DDX6: variants seen among roughly 807,000 people sequenced by gnomAD.
DDX6 encodes the protein probable ATP-dependent RNA helicase DDX6.
DDX6 carries 7 observed loss-of-function variants against 60.6 expected under a neutral mutation model. The observed-to-expected ratio is 0.12, with a 90% CI of 0.07 to 0.22. The LOEUF (loss-of-function observed/expected upper bound fraction) is 0.22. Among genes scored for constraint, DDX6 ranks in the 10% least tolerant of loss-of-function variants. The pLI is 1.00. For synonymous variants in DDX6, 207 were observed against 201.0 expected (o/e 1.03, Z -0.25); for missense variants, 270 against 589.9 (o/e 0.46, Z 5.62).
Position 118,786,358 on chromosome 11 carries a change from G to A in DDX6, c.-107C>T. ...CTCCAAAATGAAGAGATAAATATAA[G>A]TCTTGCTCAATAAATGAGTCCTTTA... On this transcript the variant is annotated 5_prime_UTR_variant, in exon 2 of 14. Coordinates refer to ENST00000534980, the MANE Select transcript of DDX6 (RefSeq NM_004397.6). The A allele has an allele frequency of 1.0e-6, 1 of 977,064 alleles. No homozygotes were observed. The highest frequency in any genetic ancestry group is 1.9e-5 in the South Asian group (1 of 53,720). 60.5% of individuals were successfully genotyped at this position (977,064 alleles called of 1,614,324 possible).
At chr11:118,781,063 C>A in intron 3 of DDX6, 58 bp downstream of exon 3, 1 of 1,190,720 alleles carries the variant, frequency 8.4e-7, no homozygotes, top group Non-Finnish European at 1.2e-6. Context: ...CGAGGGACAG[C>A]TATACCTCAC....
chr11:118,764,351 T>C (rs552651153), intron 6 of DDX6, among the ~76,000 whole-genome samples: 1 of 152,324 alleles, frequency 6.6e-6, no homozygotes, highest in Admixed American at 6.5e-5. Context: ...TTAATGACTA[T>C]GTAGAATCCT....
intron 3 of DDX6, 114 bp from the exon 4 acceptor site, chr11:118,779,850 T>C (rs1423333352): frequency 4.1e-6 from 3 of 734,566 alleles, no homozygotes; most frequent in Non-Finnish European, 6.8e-6. Context: ...GCATGGTGGC[T>C]CATGCCTGTA....
chr11:118,779,156 CAAAAAAAA>C (rs5795140), intron 4 of DDX6, among the ~76,000 whole-genome samples: 1 of 125,900 alleles, frequency 7.9e-6, no homozygotes, highest in African/African-American at 3.1e-5. Context: ...ACCCAGTTGC[CAAAAAAAA>C]AAAAAAAAAA....
chr11:118,778,812 G>C (rs748815820), intron 4 of DDX6, among the ~76,000 whole-genome samples: 34 of 151,950 alleles, frequency 2.2e-4, no homozygotes, highest in African/African-American at 7.5e-4. Context: ...TGCATTATTC[G>C]GGCTGAGAAA....
In DDX6 at chr11:118,786,300, A is replaced by C. The variant is rs748393158; in HGVS notation, c.-49T>G. 24 of 1,519,336 alleles carry C rather than the reference A, an allele frequency of 1.6e-5. No individual in the cohort carries two copies. The highest frequency in any genetic ancestry group is 2.1e-5 in the Non-Finnish European group (23 of 1,116,504). The allele number at this position is 1,519,336 out of a possible 1,614,324, so 94.1% of individuals were successfully genotyped here. The stretch of plus-strand genomic sequence containing the variant: ...TCAAACTTCAAAACTTTTGAAAGTC[A>C]GTAGAGAAACTGTAATAACAGTTTA... On this transcript the variant is annotated 5_prime_UTR_variant, in exon 2 of 14. Coordinates refer to ENST00000534980, the MANE Select transcript of DDX6 (RefSeq NM_004397.6).
chr11:118,754,074 G>GGCAACAGAGCAAGACTCTCAAAAAA, intron 13 of DDX6, among the ~76,000 whole-genome samples: 1 of 152,110 alleles, frequency 6.6e-6, no homozygotes, highest in Non-Finnish European at 1.5e-5. Flanking sequence ...CTCCAGCCTG[G>GGCAACAGAGCAAGACTCTCAAAAAA]GCAACAGAGC....
chr11:118,775,337 T>G (rs1861663145), intron 4 of DDX6, among the ~76,000 whole-genome samples: 1 of 152,104 alleles, frequency 6.6e-6, no homozygotes, highest in East Asian at 1.9e-4. Context: ...AATTTACTCA[T>G]GTAACCAAAC....
rs1189254600 is a variant in DDX6, at chr11:118,749,307, A to C, written c.*2798T>G. ...CATATTTAATATTGGAAAGAATGTGAAAACAACTTCCAATAGTAACAATGC... is the reference window on the plus strand; with the variant it reads ...CATATTTAATATTGGAAAGAATGTGCAAACAACTTCCAATAGTAACAATGC... On this transcript the variant is annotated 3_prime_UTR_variant, in exon 14 of 14. Transcript: ENST00000534980. The C allele has an allele frequency of 6.6e-6, 1 of 151,238 alleles. No individual in the cohort carries two copies. Among genetic ancestry groups the C allele is most frequent in the African/African-American group, 2.4e-5 (1 of 41,168 alleles). The allele number at this position is 151,238 out of a possible 1,614,324, so 9.4% of individuals were successfully genotyped here. A position where few individuals can be genotyped will look rare whatever the true frequency, so the allele number is the denominator to read the frequency against.
rs1860677534 is a variant in DDX6 at position 118,749,412 on chromosome 11, CTTTCCATTTAACAATT to C, written c.*2677_*2692del. 7.2e-6 allele frequency: 1 copy of C among 138,576 alleles called. No homozygotes were observed. The highest frequency in any genetic ancestry group is 7.3e-5 in the Admixed American group (1 of 13,784). The allele number at this position is 138,576 out of a possible 1,614,324, so 8.6% of individuals were successfully genotyped here. The stretch of plus-strand genomic sequence containing the variant: ...GGCTTTGACCTAGTCCTCAGAGCAT[CTTTCCATTTAACAATT>C]CCTATTCAAGAGTCAAGCACCAAAA... On this transcript the variant is annotated 3_prime_UTR_variant, in exon 14 of 14. Transcript: ENST00000534980.
chr11:118,788,172 G>C (rs1055110646), intron 1 of DDX6: 1 of 152,036 alleles, frequency 6.6e-6, no homozygotes, highest in African/African-American at 2.4e-5. Context: ...ACTGGGCGTG[G>C]TGGCCCTGTA....
intron 6 of DDX6, 74 bp from the exon 7 acceptor site, chr11:118,763,380 A>C: frequency 8.7e-7 from 1 of 1,144,752 alleles, no homozygotes. Flanking sequence ...TTATAATATT[A>C]CAGTCCTGAG....
intron 3 of DDX6, among the ~76,000 whole-genome samples, chr11:118,780,789 G>C (rs1555164527): frequency 6.6e-6 from 1 of 152,110 alleles, no homozygotes; most frequent in Non-Finnish European, 1.5e-5. Context: ...TGACACTTTG[G>C]GCCACAAAAT....
chr11:118,760,522 G>A (rs1389325087), intron 7 of DDX6, among the ~76,000 whole-genome samples: 1 of 152,116 alleles, frequency 6.6e-6, no homozygotes, highest in African/African-American at 2.4e-5. Context: ...ATGGTGTAGT[G>A]TTTAAAAGTA....
chr11:118,767,978 T>G, intron 5 of DDX6: 1 of 368,326 alleles, frequency 2.7e-6, no homozygotes, highest in Non-Finnish European at 4.9e-6. Context: ...TTTTCCTGTC[T>G]CACTGGAATG....
chr11:118,753,092 G>C (rs1860834415), intron 13 of DDX6, among the ~76,000 whole-genome samples: 1 of 152,144 alleles, frequency 6.6e-6, no homozygotes, highest in Non-Finnish European at 1.5e-5. Context: ...GCAATGGCAT[G>C]ACCTCGGCTC....
At chr11:118,777,275 A>G (rs1861731637) in intron 4 of DDX6, among the ~76,000 whole-genome samples, 1 of 152,162 alleles carries the variant, frequency 6.6e-6, no homozygotes. Context: ...CAGTGATGTC[A>G]CAGGGTTTGT....
intron 9 of DDX6, among the ~76,000 whole-genome samples, chr11:118,758,156 A>C (rs543322017): frequency 6.6e-6 from 1 of 152,280 alleles, no homozygotes; most frequent in South Asian, 2.1e-4. Context: ...CTGCTGAACT[A>C]CCTTGAGTAT....
chr11:118,768,177 T>C (rs782678169), intron 5 of DDX6, 46 bp downstream of exon 5: 5 of 1,582,104 alleles, frequency 3.2e-6, no homozygotes, highest in Admixed American at 3.5e-5. Context: ...GCTCCAAGGC[T>C]GAAACTCCCA....
Sources: gnomAD v4.1 joint callset for allele counts (sites outside exome capture counted in the v4.1 genomes callset) on GRCh38, gnomAD v4.1.1 for gene constraint, MANE v1.5 for transcripts, NCBI Gene and HGNC (gene_info 2026-07-23, HGNC 2026-07-21) for gene names.